The following ARHGEF10 variants were observed in gnomAD, a reference collection of about 807,000 sequenced individuals.
ARHGEF10 encodes Rho guanine nucleotide exchange factor 10.
In ARHGEF10, 140 loss-of-function variants were observed where a neutral mutation model predicts 147.4. That is an observed-to-expected ratio of 0.95 (90% CI 0.83 to 1.09). ARHGEF10 has a LOEUF of 1.09. Ranked by LOEUF, ARHGEF10 falls within the 50% of genes least tolerant of loss-of-function variation. The probability of loss-of-function intolerance (pLI) is 0.00; values close to 1 mark genes in which losing one functional copy is unlikely to be tolerated. For synonymous variants in ARHGEF10, 902 were observed against 695.8 expected, an observed-to-expected ratio of 1.30 and a Z score of -4.67; for missense variants, 2,222 against 1,752.7, an observed-to-expected ratio of 1.27 and a Z score of -4.78.
intron 7 of ARHGEF10, 87 bp from the exon 8 acceptor site, chr8:1,876,484 G>C: frequency 7.3e-7 from 1 of 1,360,850 alleles, no homozygotes; most frequent in Non-Finnish European, 1.1e-6. Context: ...CCCAGCTCTA[G>C]ATGATTTGGT....
intron 21 of ARHGEF10, 104 bp downstream of exon 21, chr8:1,923,978 C>T: frequency 1.9e-6 from 2 of 1,057,312 alleles, no homozygotes; most frequent in South Asian, 1.3e-5. Flanking sequence ...GCAGTAGATC[C>T]ATGCATTGAC....
intron 18 of ARHGEF10, among the ~76,000 whole-genome samples, chr8:1,917,451 AC>A (rs1032896094): frequency 6.6e-6 from 1 of 152,148 alleles, no homozygotes; most frequent in African/African-American, 2.4e-5. Context: ...GTTCTCAGGG[AC>A]CGAGCACACC....
At chr8:1,845,182 C>T (rs527848301) in intron 2 of ARHGEF10, among the ~76,000 whole-genome samples, 10 of 152,334 alleles carry the variant, frequency 6.6e-5, no homozygotes, top group Admixed American at 6.5e-4. Flanking sequence ...AAATCTTTTA[C>T]TGCTTTTCAT....
intron 1 of ARHGEF10, among the ~76,000 whole-genome samples, chr8:1,842,508 C>T (rs1192064110): frequency 6.6e-6 from 1 of 152,208 alleles, no homozygotes; most frequent in African/African-American, 2.4e-5. Context: ...AGGAGCTGGC[C>T]TGTGGGTGAC....
chr8:1,859,951 T>C lies in ARHGEF10; in HGVS notation c.248T>C (p.Leu83Pro). Residue 83 changes from leucine (L) to proline (P), a missense_variant, in exon 4 of 29, where the codon CTG (leucine) becomes CCG (proline). Transcript: ENST00000349830. ...ACCCCAGTGGCAGAGCCTACTAAGC[T>C]GGTGCTCCCGATGAAAGTCAACCCA... is the stretch of plus-strand genomic sequence containing the variant. ...ETTPVAEPTKLVLPMKVNPYS... is the reference protein window; with the variant it reads ...ETTPVAEPTKPVLPMKVNPYS... 1 of 1,614,208 alleles carries C rather than the reference T, an allele frequency of 6.2e-7. No homozygotes were observed. Among genetic ancestry groups the C allele is most frequent in the Non-Finnish European group, 8.5e-7 (1 of 1,180,030 alleles).
At chr8:1,838,741 G>C (rs79645068) in intron 1 of ARHGEF10, among the ~76,000 whole-genome samples, 8,702 of 151,884 alleles carry the variant, frequency 0.057, 370 homozygotes, top group African/African-American at 0.11. Flanking sequence ...TGGGGACTGT[G>C]CAGCGTGGGG....
At chr8:1,841,715 A>G (rs1477990725) in intron 1 of ARHGEF10, among the ~76,000 whole-genome samples, 1 of 152,074 alleles carries the variant, frequency 6.6e-6, no homozygotes, top group African/African-American at 2.4e-5. Flanking sequence ...GTGTTAACAG[A>G]TGAGACAATC....
intron 2 of ARHGEF10, among the ~76,000 whole-genome samples, chr8:1,844,641 C>G (rs565102233): frequency 1.3e-5 from 2 of 152,298 alleles, no homozygotes; most frequent in East Asian, 3.9e-4. Context: ...GAGGCCACAG[C>G]TCCACTGCTT....
At chr8:1,933,701 C>A in intron 25 of ARHGEF10, 99 bp from the exon 26 acceptor site, 9 of 1,441,270 alleles carry the variant, frequency 6.2e-6, no homozygotes, top group Non-Finnish European at 6.8e-6. Context: ...TACAGGTGAT[C>A]CTTCGGGTGT....
At position 1,876,689 on chromosome 8, in the gene ARHGEF10, G is replaced by A. The variant is rs1410056934; in HGVS notation, c.798G>A (p.Lys266=). The A allele has an allele frequency of 6.2e-7, 1 of 1,614,226 alleles. No individual in the cohort carries two copies. The highest frequency in any genetic ancestry group is 1.3e-5 in the African/African-American group (1 of 75,062). Residue 266 remains lysine (K), a synonymous_variant, in exon 8 of 29, where the codon AAG becomes AAA. Transcript: ENST00000349830. ...SYEEQSDSEC[K]NGIPRSFLRS... ...AAGAGCAGAGTGACTCGGAGTGCAAGAATGGGATTCCCAGGTCCTTCCTGC... is the reference window on the plus strand; with the variant it reads ...AAGAGCAGAGTGACTCGGAGTGCAAAAATGGGATTCCCAGGTCCTTCCTGC...
At chr8:1,945,898 G>A (rs552092946) in intron 27 of ARHGEF10, 1 of 701,732 alleles carries the variant, frequency 1.4e-6, no homozygotes, top group Admixed American at 2.4e-5. Context: ...GGGAGGAGCC[G>A]CGTGCTGGGA....
chr8:1,957,152 G>A lies in ARHGEF10; in HGVS notation c.3924G>A (p.Val1308=), dbSNP rs751529666. The A allele has an allele frequency of 6.2e-7, 1 of 1,612,714 alleles. No homozygotes were observed. Among genetic ancestry groups the A allele is most frequent in the Non-Finnish European group, 8.5e-7 (1 of 1,180,040 alleles). Residue 1308 remains valine, a synonymous_variant, in exon 29 of 29, where the codon GTG becomes GTA. Transcript: ENST00000349830. ...AKKAKASSAL[V]VCGGQGHRRV... The stretch of plus-strand genomic sequence containing the variant: ...AAGCCAAGGCCAGCTCGGCGCTGGT[G>A]GTCTGTGGAGGGCAGGGCCACCGCC...
chr8:1,934,056 C>CTA, intron 26 of ARHGEF10, 114 bp downstream of exon 26: 1 of 1,420,158 alleles, frequency 7.0e-7, no homozygotes, highest in Non-Finnish European at 9.8e-7. Flanking sequence ...TCCTTCTAGC[C>CTA]GGGCACAGTG....
In ARHGEF10 at chr8:1,860,063, T is replaced by C. The variant is rs779284070; in HGVS notation, c.360T>C (p.His120=). 3.7e-6 allele frequency: 6 copies of C among 1,614,004 alleles called. No individual in the cohort carries two copies. The highest frequency in any genetic ancestry group is 3.3e-5 in the Admixed American group (2 of 60,006). ...CTGAGGAGGAGAATGTGGGTCTCCA[T>C]GTGCCCTGCGGGTACTTGGTGCCTG... The part of the protein sequence containing the change: ...PSAEEENVGL[H]VPCGYLVPVP... Residue 120 remains histidine, a synonymous_variant, in exon 4 of 29, where the codon CAT becomes CAC. Coordinates refer to ENST00000349830, the MANE Select transcript of ARHGEF10 (RefSeq NM_014629.4).
chr8:1,931,663 G>A (rs186651375), intron 25 of ARHGEF10, among the ~76,000 whole-genome samples: 266 of 152,374 alleles, frequency 1.7e-3, no homozygotes, highest in Middle Eastern at 3.4e-3. Context: ...GGAGGGGGAG[G>A]CTGCTTCCTA....
At chr8:1,950,730 G>GTTTTT (rs71211528) in intron 27 of ARHGEF10, among the ~76,000 whole-genome samples, 3 of 108,460 alleles carry the variant, frequency 2.8e-5, no homozygotes, top group African/African-American at 3.6e-5. Context: ...TGTTTTTTAG[G>GTTTTT]TTTTTTTTTT....
At chr8:1,835,193 G>A (rs1442768708) in intron 1 of ARHGEF10, among the ~76,000 whole-genome samples, 1 of 152,178 alleles carries the variant, frequency 6.6e-6, no homozygotes, top group Non-Finnish European at 1.5e-5. Flanking sequence ...AGGAGTGGAC[G>A]ATAGGAAACC....
chr8:1,933,801 T>G lies in ARHGEF10; in HGVS notation c.3081T>G (p.Asp1027Glu). 6.2e-7 allele frequency: 1 copy of G among 1,614,234 alleles called. No homozygotes were observed. The highest frequency in any genetic ancestry group is 8.5e-7 in the Non-Finnish European group (1 of 1,180,048). ...GAVASYARAP[D>E]GSWDSEPQKV... Reference sequence around the variant, plus strand: ...TGAAATGAAATATTTTCTTTTAAGATGGATCCTGGGATTCAGAACCTCAAA... The same window carrying G: ...TGAAATGAAATATTTTCTTTTAAGAGGGATCCTGGGATTCAGAACCTCAAA... Residue 1027 changes from aspartate (D) to glutamate (E), a missense_variant and splice_region_variant, in exon 26 of 29, where the codon GAT (aspartate) becomes GAG (glutamate). By Grantham distance (45) the Asp-to-Glu change is conservative. Transcript: ENST00000349830.
At chr8:1,877,040 C>G (rs1807767867) in intron 8 of ARHGEF10, among the ~76,000 whole-genome samples, 1 of 152,232 alleles carries the variant, frequency 6.6e-6, no homozygotes, top group Non-Finnish European at 1.5e-5. Context: ...GTATTATGTG[C>G]TTTGCACGTA....
Sources: allele counts gnomAD v4.1 joint callset (sites outside exome capture counted in the v4.1 genomes callset), GRCh38; gene constraint gnomAD v4.1.1; transcripts MANE v1.5; gene names NCBI Gene and HGNC (gene_info 2026-07-23, HGNC 2026-07-21).